The following SLC44A5 variants were observed in gnomAD, a reference collection of about 807,000 sequenced individuals.
The protein encoded by SLC44A5 is choline transporter-like protein 5.
SLC44A5 carries 57 observed loss-of-function variants against 101.8 expected under a neutral mutation model. The observed-to-expected ratio is 0.56, with a 90% CI of 0.45 to 0.70. The LOEUF is 0.70. Ranked by LOEUF, SLC44A5 falls within the 30% of genes least tolerant of loss-of-function variation. The probability of loss-of-function intolerance (pLI) is 0.00; values close to 1 mark genes in which losing one functional copy is unlikely to be tolerated. For synonymous variants in SLC44A5, 281 were observed against 290.9 expected, an observed-to-expected ratio of 0.97 and a Z score of 0.35; for missense variants, 737 against 853.1, an observed-to-expected ratio of 0.86 and a Z score of 1.70.
chr1:75,542,757 A>G (rs1397171646), intron 1 of SLC44A5, among the ~76,000 whole-genome samples: 1 of 152,156 alleles, frequency 6.6e-6, no homozygotes, highest in African/African-American at 2.4e-5. Context: ...AAGATTACAA[A>G]GTGTTTTATT....
At chr1:75,509,830 T>TA (rs1669468223) in intron 2 of SLC44A5, among the ~76,000 whole-genome samples, 1 of 152,170 alleles carries the variant, frequency 6.6e-6, no homozygotes, top group African/African-American at 2.4e-5. Context: ...TAAATACTGG[T>TA]AAAGATTCAT....
intron 4 of SLC44A5, among the ~76,000 whole-genome samples, chr1:75,336,917 C>T (rs777501861): frequency 6.6e-6 from 1 of 152,152 alleles, no homozygotes; most frequent in Admixed American, 6.5e-5. Flanking sequence ...CTACTACTTT[C>T]CTGTTAGCAG....
intron 2 of SLC44A5, among the ~76,000 whole-genome samples, chr1:75,470,531 T>C (rs1233314584): frequency 2.0e-5 from 3 of 152,112 alleles, no homozygotes; most frequent in Admixed American, 2.0e-4. Context: ...GTGTGAAGAC[T>C]ACCAAGATAG....
chr1:75,211,006 T>C (rs1382386832), intron 23 of SLC44A5, among the ~76,000 whole-genome samples: 1 of 152,138 alleles, frequency 6.6e-6, no homozygotes, highest in East Asian at 1.9e-4. Flanking sequence ...TAACCTCCCA[T>C]AGTTATCTTT....
rs1017487251 is a variant in SLC44A5 at position 75,242,363 on chromosome 1, GT to G, written c.472-303del. On this transcript the variant is annotated intron_variant, in intron 8 of 23. Coordinates refer to ENST00000370859, the MANE Select transcript of SLC44A5 (RefSeq NM_001130058.2). ...TCCTGAGTCTCTGATTTTTTTGTGG[GT>G]TTTTTTTTCTAGAAAAACAACATCT... Among the ~76,000 whole-genome samples, 168 of 150,596 alleles carry G rather than the reference GT, an allele frequency of 1.1e-3. 1 individual carries two copies. Among genetic ancestry groups the G allele is most frequent in the African/African-American group, 3.6e-3 (148 of 41,064 alleles).
chr1:75,273,467 G>T (rs1651659936), intron 6 of SLC44A5, among the ~76,000 whole-genome samples: 1 of 152,024 alleles, frequency 6.6e-6, no homozygotes, highest in South Asian at 2.1e-4. Context: ...TTCTCAGGGG[G>T]AATGCTTTCA....
chr1:75,645,779 G>T, the SLC44A5 span, among the ~76,000 whole-genome samples: 1 of 136,152 alleles, frequency 7.3e-6, no homozygotes, highest in Non-Finnish European at 1.6e-5. Context: ...TAACAATTAA[G>T]TCTTTAATCC....
intron 6 of SLC44A5, among the ~76,000 whole-genome samples, chr1:75,263,116 C>T (rs1380686229): frequency 6.6e-6 from 1 of 151,680 alleles, no homozygotes; most frequent in African/African-American, 2.4e-5. Context: ...CAACAAAAGC[C>T]AAAATTGACA....
At chr1:75,702,240 G>A in the SLC44A5 span, among the ~76,000 whole-genome samples, 3 of 152,132 alleles carry the variant, frequency 2.0e-5, no homozygotes, top group Non-Finnish European at 2.9e-5. Context: ...GAGGCATCAT[G>A]CTACCTGACT....
chr1:75,558,101 A>G (rs1672319256), intron 1 of SLC44A5, among the ~76,000 whole-genome samples: 1 of 152,126 alleles, frequency 6.6e-6, no homozygotes. Flanking sequence ...CAGTAAATTT[A>G]TGTAATTGGC....
chr1:75,686,807 C>T, the SLC44A5 span, among the ~76,000 whole-genome samples: 1 of 152,108 alleles, frequency 6.6e-6, no homozygotes, highest in African/African-American at 2.4e-5. Context: ...ACCATGTGGA[C>T]AGATTCAGGA....
chr1:75,402,817 A>G (rs1228997976), intron 2 of SLC44A5, among the ~76,000 whole-genome samples: 2 of 152,116 alleles, frequency 1.3e-5, no homozygotes, highest in South Asian at 4.1e-4. Flanking sequence ...TTCATACCCC[A>G]GTGGTGCCTG....
chr1:75,239,127 T>C (rs888426753), intron 9 of SLC44A5, among the ~76,000 whole-genome samples: 3 of 152,104 alleles, frequency 2.0e-5, no homozygotes, highest in African/African-American at 7.2e-5. Context: ...AACAACTAAA[T>C]TTTTGTCTGT....
chr1:75,288,813 G>A (rs769563894), intron 5 of SLC44A5, among the ~76,000 whole-genome samples: 2 of 152,116 alleles, frequency 1.3e-5, no homozygotes, highest in African/African-American at 4.8e-5. Context: ...GCTTTTACCT[G>A]GTAAGGACAG....
the SLC44A5 span, among the ~76,000 whole-genome samples, chr1:75,649,916 G>A: frequency 1.3e-5 from 2 of 152,238 alleles, no homozygotes; most frequent in South Asian, 4.2e-4. Flanking sequence ...ATTGCCTGTA[G>A]CCTTGAAAGT....
At chr1:75,538,578 T>C (rs980145477) in intron 2 of SLC44A5, among the ~76,000 whole-genome samples, 4 of 152,218 alleles carry the variant, frequency 2.6e-5, no homozygotes, top group African/African-American at 9.6e-5. Context: ...ACAACCTTAG[T>C]GTGCTTTTAG....
At chr1:75,717,502 T>C in the SLC44A5 span, among the ~76,000 whole-genome samples, 77 of 152,246 alleles carry the variant, frequency 5.1e-4, 1 homozygote, top group Middle Eastern at 0.01. Flanking sequence ...AAACTACCTA[T>C]TGGGTACTAC....
At chr1:75,589,229 A>G (rs994232035) in intron 1 of SLC44A5, among the ~76,000 whole-genome samples, 1 of 152,208 alleles carries the variant, frequency 6.6e-6, no homozygotes, top group Admixed American at 6.5e-5. Flanking sequence ...GCAGCATTGG[A>G]CTAAAAGCCA....
In SLC44A5 at chr1:75,222,444, G is replaced by T. The variant is rs1471557325; in HGVS notation, c.1002C>A (p.Ile334=). The T allele has an allele frequency of 6.2e-7, 1 of 1,610,742 alleles. No individual in the cohort carries two copies. Among genetic ancestry groups the T allele is most frequent in the South Asian group, 1.1e-5 (1 of 91,002 alleles). Residue 334 remains isoleucine (I), a synonymous_variant, in exon 14 of 24, where the codon ATC becomes ATA. Transcript: ENST00000370859. Reference sequence around the variant, plus strand: ...GCATGAGGATGACAATCACTTCAATGATGCAGAGTATTATCACTTTGAACA... The same window carrying T: ...GCATGAGGATGACAATCACTTCAATTATGCAGAGTATTATCACTTTGAACA... ...TWFTFMIILC[I]IEVIVILMLI...
Sources: allele counts gnomAD v4.1 joint callset (sites outside exome capture counted in the v4.1 genomes callset), GRCh38; gene constraint gnomAD v4.1.1; transcripts MANE v1.5; gene names NCBI Gene and HGNC (gene_info 2026-07-23, HGNC 2026-07-21).